PLXDC2: variants seen among roughly 807,000 people sequenced by gnomAD.
The protein encoded by PLXDC2 is plexin domain-containing protein 2.
In PLXDC2, 40 loss-of-function variants were observed where a neutral mutation model predicts 68.9. That is an observed-to-expected ratio of 0.58 (90% CI 0.45 to 0.76). The LOEUF (loss-of-function observed/expected upper bound fraction) is 0.76, where lower values mean the gene tolerates loss of function less well. Ranked by LOEUF, PLXDC2 falls within the 30% of genes least tolerant of loss-of-function variation. The pLI is 0.00. For synonymous variants in PLXDC2, 243 were observed against 234.2 expected (o/e 1.04, Z -0.34); for missense variants, 644 against 661.9 (o/e 0.97, Z 0.30).
chr10:20,149,038 C>T (rs1044460353), intron 6 of PLXDC2, among the ~76,000 whole-genome samples: 5 of 151,842 alleles, frequency 3.3e-5, no homozygotes, highest in African/African-American at 1.2e-4. Flanking sequence ...TAGACTATGT[C>T]TTACTCTATG....
At chr10:20,252,643 A>C (rs1835693401) in intron 13 of PLXDC2, among the ~76,000 whole-genome samples, 2 of 152,196 alleles carry the variant, frequency 1.3e-5, no homozygotes, top group African/African-American at 2.4e-5. Context: ...TTGACCAGTC[A>C]CTCATTCATG....
intron 1 of PLXDC2, among the ~76,000 whole-genome samples, chr10:19,943,501 G>C (rs1469286947): frequency 6.6e-6 from 1 of 152,146 alleles, no homozygotes; most frequent in African/African-American, 2.4e-5. Context: ...ATCCCATAAA[G>C]TGCTTTAGCA....
rs540906898 is a variant in PLXDC2 at position 20,134,237 on chromosome 10, T to C, written c.542-9058T>C. 2.6e-5 allele frequency among the ~76,000 whole-genome samples: 4 copies of C among 152,324 alleles called. No individual in the cohort carries two copies. The South Asian group carries it at 8.3e-4, about 32-fold the overall frequency. The stretch of plus-strand genomic sequence containing the variant: ...CCAATTCTTTGAGGCCTGTTATGGG[T>C]GCTTTATTTGGTTATCTTGATGCTA... On this transcript the variant is annotated intron_variant, in intron 4 of 13. Transcript: ENST00000377252.
intron 1 of PLXDC2, among the ~76,000 whole-genome samples, chr10:19,980,483 G>A (rs541227662): frequency 9.9e-5 from 15 of 152,234 alleles, no homozygotes; most frequent in African/African-American, 3.6e-4. Context: ...CATTATCAAG[G>A]TGGCAGCAGA....
chr10:20,240,317 T>C (rs1835497603), intron 12 of PLXDC2, among the ~76,000 whole-genome samples: 1 of 152,244 alleles, frequency 6.6e-6, no homozygotes, highest in Non-Finnish European at 1.5e-5. Context: ...GACAACATTT[T>C]CTTGATCCAA....
chr10:20,239,545 A>G (rs970000933), intron 12 of PLXDC2, among the ~76,000 whole-genome samples: 1 of 152,160 alleles, frequency 6.6e-6, no homozygotes, highest in Non-Finnish European at 1.5e-5. Context: ...ATCAGATCTC[A>G]TGGGGACTCA....
intron 5 of PLXDC2, among the ~76,000 whole-genome samples, chr10:20,145,795 C>T (rs1834068924): frequency 6.6e-6 from 1 of 152,016 alleles, no homozygotes; most frequent in African/African-American, 2.4e-5. Flanking sequence ...CCTCGTGATC[C>T]GCCTGCCTCG....
At chr10:19,848,481 T>C (rs1025576623) in intron 1 of PLXDC2, among the ~76,000 whole-genome samples, 2 of 152,206 alleles carry the variant, frequency 1.3e-5, no homozygotes, top group Non-Finnish European at 2.9e-5. Flanking sequence ...GTGAGGGTTC[T>C]TGAATCTTAA....
chr10:20,141,167 C>T lies in PLXDC2; in HGVS notation c.542-2128C>T, dbSNP rs1349857813. 4.6e-5 allele frequency among the ~76,000 whole-genome samples: 7 copies of T among 151,876 alleles called. No individual in the cohort carries two copies. The East Asian group carries it at 7.7e-4, about 17-fold the overall frequency. ...AATTGTAGATTTGGGAAACATTTTC[C>T]CGATCAAAAGAAATAACAGTTAATG... On this transcript the variant is annotated intron_variant, in intron 4 of 13. Coordinates refer to ENST00000377252, the MANE Select transcript of PLXDC2 (RefSeq NM_032812.9).
At chr10:20,126,047 C>T (rs2358844) in intron 4 of PLXDC2, among the ~76,000 whole-genome samples, 33,240 of 147,066 alleles carry the variant, frequency 0.23, 4,571 homozygotes, top group East Asian at 0.5. Flanking sequence ...TGTACATTTG[C>T]GTATACATAT....
At chr10:19,927,999 T>A (rs1343447201) in intron 1 of PLXDC2, among the ~76,000 whole-genome samples, 1 of 152,160 alleles carries the variant, frequency 6.6e-6, no homozygotes, top group Non-Finnish European at 1.5e-5. Context: ...CTCTGTATGC[T>A]TTTGTGCACC....
At chr10:20,178,651 C>T (rs547376844) in intron 9 of PLXDC2, among the ~76,000 whole-genome samples, 2 of 152,090 alleles carry the variant, frequency 1.3e-5, no homozygotes, top group Admixed American at 6.6e-5. Context: ...AAGACATGCT[C>T]CAGGAATACT....
chr10:20,252,568 G>T (rs1835690667), intron 13 of PLXDC2, among the ~76,000 whole-genome samples: 1 of 152,176 alleles, frequency 6.6e-6, no homozygotes. Flanking sequence ...TTAAAAGTAG[G>T]AAATCAACTG....
intron 1 of PLXDC2, among the ~76,000 whole-genome samples, chr10:19,975,537 GC>G (rs1315951585): frequency 4.6e-5 from 7 of 151,878 alleles, no homozygotes; most frequent in African/African-American, 1.7e-4. Flanking sequence ...ATTTAATCCA[GC>G]CCCTGTCACA....
At chr10:19,986,546 A>AAAAAAG (rs1554851094) in intron 1 of PLXDC2, among the ~76,000 whole-genome samples, 375 of 123,730 alleles carry the variant, frequency 3.0e-3, no homozygotes, top group African/African-American at 8.6e-3. Flanking sequence ...TTAAAAAAAA[A>AAAAAAG]ACAAAGAAAA....
chr10:19,817,695 G>A (rs989299039), intron 1 of PLXDC2, among the ~76,000 whole-genome samples: 1 of 152,122 alleles, frequency 6.6e-6, no homozygotes, highest in South Asian at 2.1e-4. Context: ...CACTAGCTCC[G>A]TCTAGTGACC....
intron 4 of PLXDC2, among the ~76,000 whole-genome samples, chr10:20,071,437 A>G (rs968954054): frequency 1.1e-4 from 16 of 152,186 alleles, no homozygotes; most frequent in African/African-American, 3.6e-4. Flanking sequence ...GTGGGAGGTA[A>G]TTGAATCATG....
chr10:19,897,134 G>A (rs190531343), intron 1 of PLXDC2, among the ~76,000 whole-genome samples: 124 of 151,970 alleles, frequency 8.2e-4, no homozygotes, highest in Non-Finnish European at 1.5e-3. Flanking sequence ...GTGAGTACAC[G>A]ACTCATCTTG....
At chr10:20,222,640 A>T (rs11011885) in intron 12 of PLXDC2, among the ~76,000 whole-genome samples, 21 of 151,976 alleles carry the variant, frequency 1.4e-4, no homozygotes, top group African/African-American at 4.8e-4. Context: ...AGGTCTCTTT[A>T]GTAAGATAGA....
Sources: allele counts gnomAD v4.1 joint callset (sites outside exome capture counted in the v4.1 genomes callset), GRCh38; gene constraint gnomAD v4.1.1; transcripts MANE v1.5; gene names NCBI Gene and HGNC (gene_info 2026-07-23, HGNC 2026-07-21).